The following KCNN3 variants were observed in gnomAD, a reference collection of about 807,000 sequenced individuals.
KCNN3 encodes the protein small conductance calcium-activated potassium channel protein 3.
A neutral mutation model predicts 62.9 loss-of-function variants in KCNN3; 16 were observed. That is an observed-to-expected ratio of 0.25 (90% CI 0.17 to 0.39). The LOEUF (loss-of-function observed/expected upper bound fraction) is 0.39, where lower values mean the gene tolerates loss of function less well. KCNN3 is among the 10% of genes least tolerant of loss of function. The probability of loss-of-function intolerance (pLI) is 1.00; values close to 1 mark genes in which losing one functional copy is unlikely to be tolerated. For synonymous variants in KCNN3, 370 were observed against 389.2 expected (o/e 0.95, Z 0.58); for missense variants, 599 against 949.4 (o/e 0.63, Z 4.85).
chr1:154,751,096 A>G (rs1647356331), intron 3 of KCNN3, among the ~76,000 whole-genome samples: 1 of 152,232 alleles, frequency 6.6e-6, no homozygotes, highest in African/African-American at 2.4e-5. Flanking sequence ...GCCACAGGGC[A>G]TCAGATGTGT....
At chr1:154,710,720 C>T (rs2101757822) in intron 7 of KCNN3, among the ~76,000 whole-genome samples, 1 of 152,298 alleles carries the variant, frequency 6.6e-6, no homozygotes, top group Admixed American at 6.5e-5. Flanking sequence ...GACATTTATG[C>T]AGCCAAAAAA....
chr1:154,724,899 C>A (rs1232430394), intron 5 of KCNN3, among the ~76,000 whole-genome samples: 2 of 151,582 alleles, frequency 1.3e-5, no homozygotes, highest in African/African-American at 4.9e-5. Context: ...CTCTGTCGCC[C>A]AGGCTGGAGT....
chr1:154,767,658 G>A (rs1648356866), intron 3 of KCNN3, among the ~76,000 whole-genome samples: 1 of 152,206 alleles, frequency 6.6e-6, no homozygotes, highest in African/African-American at 2.4e-5. Context: ...TGTAAAATCA[G>A]GAGGTTCCTC....
chr1:154,729,162 G>A (rs1339116257), intron 4 of KCNN3, among the ~76,000 whole-genome samples: 3 of 152,192 alleles, frequency 2.0e-5, no homozygotes, highest in African/African-American at 7.2e-5. Context: ...TGAGGAGGGA[G>A]GAAGCAGGAT....
chr1:154,754,898 G>C (rs1647563901), intron 3 of KCNN3, among the ~76,000 whole-genome samples: 1 of 152,202 alleles, frequency 6.6e-6, no homozygotes, highest in Admixed American at 6.5e-5. Flanking sequence ...GAAGCAGAGA[G>C]AGAATTTAGG....
intron 1 of KCNN3, among the ~76,000 whole-genome samples, chr1:154,859,475 G>A (rs1340235708): frequency 2.6e-5 from 4 of 152,322 alleles, no homozygotes; most frequent in East Asian, 3.9e-4. Flanking sequence ...CATTACAAAC[G>A]GGGACACTGA....
In KCNN3 at chr1:154,862,099, C is replaced by G. The variant is rs1324616664; in HGVS notation, c.933+6933G>C. Among the ~76,000 whole-genome samples, 1 of 152,180 alleles carries G rather than the reference C, an allele frequency of 6.6e-6. No homozygotes were observed. The highest frequency in any genetic ancestry group is 1.5e-5 in the Non-Finnish European group (1 of 68,036). ...GGAATGGAGAAGCCCTTCGAGGTCC[C>G]TCACTCAAATCCCCAGCAGAAGTTT... is the stretch of plus-strand genomic sequence containing the variant. On this transcript the variant is annotated intron_variant, in intron 1 of 7. Transcript: ENST00000271915. The surrounding 1 kb of genome is among the most constrained non-coding windows in gnomAD (Gnocchi z 4.1).
intron 2 of KCNN3, among the ~76,000 whole-genome samples, chr1:154,812,490 G>C (rs540266743): frequency 6.6e-6 from 1 of 151,708 alleles, no homozygotes; most frequent in Non-Finnish European, 1.5e-5. Context: ...TCCCACCTGT[G>C]AGTGAGAACA....
At chr1:154,844,218 C>T (rs969803334) in intron 1 of KCNN3, among the ~76,000 whole-genome samples, 3 of 152,234 alleles carry the variant, frequency 2.0e-5, no homozygotes, top group African/African-American at 7.2e-5. Flanking sequence ...TTGCATAATT[C>T]ATGCATTATT....
rs567810336 is a variant in KCNN3 at position 154,752,992 on chromosome 1, T to C, written c.1448+18983A>G. 4.3e-4 allele frequency among the ~76,000 whole-genome samples: 65 copies of C among 152,266 alleles called. 1 individual carries two copies. The highest frequency in any genetic ancestry group is 1.5e-3 in the African/African-American group (61 of 41,548). On this transcript the variant is annotated intron_variant, in intron 3 of 7. Coordinates refer to ENST00000271915, the MANE Select transcript of KCNN3 (RefSeq NM_002249.6). ...AGGGACAGGCCGGGCACCTCAGGAA[T>C]CTATCCTCTAATTTCTGAAATAATG...
At chr1:154,796,580 T>C (rs1275269598) in intron 2 of KCNN3, among the ~76,000 whole-genome samples, 1 of 152,376 alleles carries the variant, frequency 6.6e-6, no homozygotes, top group East Asian at 1.9e-4. Context: ...TCTGGCTGCA[T>C]AGGCTCACGG....
chr1:154,816,233 T>C (rs115944632), intron 2 of KCNN3, among the ~76,000 whole-genome samples: 1,717 of 152,316 alleles, frequency 0.011, 27 homozygotes, highest in African/African-American at 0.039. Context: ...TGGAAACATC[T>C]GAGACCAACG....
chr1:154,856,933 G>A (rs1003322608), intron 1 of KCNN3, among the ~76,000 whole-genome samples: 1 of 152,156 alleles, frequency 6.6e-6, no homozygotes, highest in African/African-American at 2.4e-5. Flanking sequence ...TTCAGGAAAT[G>A]GGGGGAAGGG....
chr1:154,813,905 C>A (rs1248755027), intron 2 of KCNN3, among the ~76,000 whole-genome samples: 1 of 152,234 alleles, frequency 6.6e-6, no homozygotes, highest in Non-Finnish European at 1.5e-5. Context: ...GGCAGGAAAG[C>A]CCCCTCTGAG....
At chr1:154,812,332 A>C (rs905270015) in intron 2 of KCNN3, among the ~76,000 whole-genome samples, 30 of 152,120 alleles carry the variant, frequency 2.0e-4, no homozygotes, top group African/African-American at 7.2e-4. Flanking sequence ...ATATGTATAC[A>C]TGTGCCATGT....
chr1:154,841,993 C>T (rs895098072), intron 1 of KCNN3, among the ~76,000 whole-genome samples: 1 of 152,172 alleles, frequency 6.6e-6, no homozygotes, highest in African/African-American at 2.4e-5. Flanking sequence ...AGCGAGGGCA[C>T]GACAGAGGTG....
At chr1:154,840,167 C>T (rs539817048) in intron 1 of KCNN3, among the ~76,000 whole-genome samples, 2 of 152,234 alleles carry the variant, frequency 1.3e-5, no homozygotes, top group South Asian at 4.1e-4. Context: ...ACAAATTTCA[C>T]AGGTTTACAC....
At chr1:154,744,215 T>C (rs1348540069) in intron 3 of KCNN3, among the ~76,000 whole-genome samples, 1 of 92,136 alleles carries the variant, frequency 1.1e-5, no homozygotes, top group African/African-American at 4.3e-5. Flanking sequence ...ACTCAATAAA[T>C]ACTTGTCCAA....
chr1:154,714,378 TGTGTGTGGG>T (rs1328523224), intron 6 of KCNN3, among the ~76,000 whole-genome samples: 9 of 140,312 alleles, frequency 6.4e-5, no homozygotes, highest in African/African-American at 2.2e-4. Context: ...TTGTGTGAGG[TGTGTGTGGG>T]GTGTGTGTGT....
Sources: allele counts gnomAD v4.1 joint callset (sites outside exome capture counted in the v4.1 genomes callset), GRCh38; gene constraint gnomAD v4.1.1; non-coding constraint Gnocchi (gnomAD v3.1); transcripts MANE v1.5; gene names NCBI Gene and HGNC (gene_info 2026-07-23, HGNC 2026-07-21).